RIPK4: variants seen among roughly 807,000 people sequenced by gnomAD.
The protein encoded by RIPK4 is receptor interacting serine/threonine kinase 4.
Under a neutral mutation model 42.9 loss-of-function variants are expected in RIPK4, and 17 were observed. The observed-to-expected ratio is 0.40, with a 90% CI of 0.27 to 0.59. The LOEUF is 0.59. Among genes scored for constraint, RIPK4 ranks in the 20% least tolerant of loss-of-function variants. The probability of loss-of-function intolerance (pLI) is 0.47; values close to 1 mark genes in which losing one functional copy is unlikely to be tolerated. For synonymous variants in RIPK4, 498 were observed against 499.1 expected (o/e 1.00, Z 0.03); for missense variants, 897 against 1,104.4 (o/e 0.81, Z 2.66).
chr21:41,755,416 C>T lies in RIPK4; in HGVS notation c.474+1109G>A, dbSNP rs2061200392. 1.3e-5 allele frequency among the ~76,000 whole-genome samples: 2 copies of T among 152,222 alleles called. No individual in the cohort carries two copies. Among genetic ancestry groups the T allele is most frequent in the Non-Finnish European group, 2.9e-5 (2 of 68,028 alleles). ...AAGGCACGCGAGATGCACTCGTCCG[C>T]AGAGTCTGGGCACAGGGAGCGGCCG... On this transcript the variant is annotated intron_variant, in intron 2 of 7. Coordinates refer to ENST00000332512, the MANE Select transcript of RIPK4 (RefSeq NM_020639.3). The surrounding 1 kb of genome is among the most constrained non-coding windows in gnomAD (Gnocchi z 4.2).
At chr21:41,765,162 A>C (rs1434571540) in intron 1 of RIPK4, among the ~76,000 whole-genome samples, 1 of 152,228 alleles carries the variant, frequency 6.6e-6, no homozygotes, top group Non-Finnish European at 1.5e-5. Flanking sequence ...CTTCCAATAT[A>C]AGAAAGTGGT....
At chr21:41,758,021 AATATATAT>A (rs1195745927) in intron 1 of RIPK4, among the ~76,000 whole-genome samples, 3 of 51,370 alleles carry the variant, frequency 5.8e-5, no homozygotes, top group African/African-American at 3.4e-4. Flanking sequence ...AAAAAAAAAA[AATATATAT>A]ATATATATAT....
intron 1 of RIPK4, 29 bp downstream of exon 1, chr21:41,766,831 C>T (rs752504176): frequency 6.3e-7 from 1 of 1,591,234 alleles, no homozygotes; most frequent in South Asian, 1.1e-5. Context: ...GGGCCCCAGC[C>T]GCCCCAGCGC....
chr21:41,745,697 G>T, intron 6 of RIPK4, 62 bp downstream of exon 6: 3 of 1,301,294 alleles, frequency 2.3e-6, no homozygotes, highest in Non-Finnish European at 3.3e-6. Flanking sequence ...AAGAGGAGTG[G>T]TTTGGAAACT....
rs1446223361 is a variant in RIPK4 at position 41,755,318 on chromosome 21, C to A, written c.474+1207G>T. On this transcript the variant is annotated intron_variant, in intron 2 of 7. Coordinates refer to ENST00000332512, the MANE Select transcript of RIPK4 (RefSeq NM_020639.3). This position sits in a 1 kb window ranked among gnomAD's most constrained non-coding sequence, Gnocchi z 4.2. ...GCTGAAATCTTATTACTGCGCAACA[C>A]CTACCTAAGAGACAACTTATAATTA... Among the ~76,000 whole-genome samples, 1 of 152,242 alleles carries A rather than the reference C, an allele frequency of 6.6e-6. No homozygotes were observed. Among genetic ancestry groups the A allele is most frequent in the Non-Finnish European group, 1.5e-5 (1 of 68,048 alleles).
rs375382556 is a variant in RIPK4, at chr21:41,740,881, C to A, written c.2312G>T (p.Gly771Val). The part of the protein sequence containing the change: ...INLQSLKFQG[G>V]HGPAATLLRR... ...CAGGAGCGTGGCGGCGGGGCCATGG[C>A]CGCCCTGGAACTTGAGGCTCTGCAG... Residue 771 changes from glycine (G) to valine (V), a missense_variant, in exon 8 of 8, where the codon GGC (glycine) becomes GTC (valine). Gly to Val is a moderately radical substitution (Grantham distance 109, BLOSUM62 -3). Coordinates refer to ENST00000332512, the MANE Select transcript of RIPK4 (RefSeq NM_020639.3). 12 of 1,611,110 alleles carry A rather than the reference C, an allele frequency of 7.4e-6. 1 individual carries two copies. The highest frequency in any genetic ancestry group is 1.1e-5 in the South Asian group (1 of 90,954).
Position 41,741,637 on chromosome 21 carries a change from C to A in RIPK4, c.1556G>T (p.Ser519Ile). Residue 519 changes from serine (S) to isoleucine (I), a missense_variant, in exon 8 of 8, where the codon AGC (serine) becomes ATC (isoleucine). Ser to Ile is a moderately radical substitution (Grantham distance 142). Transcript: ENST00000332512. ...GTTCTTCTCCAACAGCAGCCGTGTG[C>A]TAGACTCGTCCCCGTTCTGGGCTGC... ...HFAAQNGDES[S>I]TRLLLEKNAS... 1 of 1,613,512 alleles carries A rather than the reference C, an allele frequency of 6.2e-7. No individual in the cohort carries two copies. Among genetic ancestry groups the A allele is most frequent in the Non-Finnish European group, 8.5e-7 (1 of 1,180,018 alleles).
rs1197612068 is a variant in RIPK4 at position 41,749,172 on chromosome 21, G to T, written c.655C>A (p.Gln219Lys). The change falls in exon 4 of 8, where the codon CAG becomes AAG. Residue 219 changes from glutamine (Q) to lysine (K), a missense_variant. By Grantham distance (53) the Gln-to-Lys change is moderately conservative. Coordinates refer to ENST00000332512, the MANE Select transcript of RIPK4 (RefSeq NM_020639.3). The stretch of plus-strand genomic sequence containing the variant: ...CACTCACCTGCAAACGGCTTCTTCT[G>T]TGTGAGCACGCCCCAGATGACGATC... The part of the protein sequence containing the change: ...FAIVIWGVLT[Q>K]KKPFADEKNI... 1 of 1,613,852 alleles carries T rather than the reference G, an allele frequency of 6.2e-7. No individual in the cohort carries two copies. Among genetic ancestry groups the T allele is most frequent in the Admixed American group, 1.7e-5 (1 of 60,016 alleles).
intron 1 of RIPK4, among the ~76,000 whole-genome samples, chr21:41,757,773 G>C (rs1029666471): frequency 6.6e-6 from 1 of 151,262 alleles, no homozygotes; most frequent in African/African-American, 2.4e-5. Flanking sequence ...GGCCGAAACA[G>C]GCAGATCACA....
Position 41,743,959 on chromosome 21 carries a change from C to T in RIPK4, c.1118G>A (p.Gly373Glu). Residue 373 changes from glycine to glutamate, a missense_variant, in exon 7 of 8, where the codon GGG (glycine) becomes GAG (glutamate). Coordinates refer to ENST00000332512, the MANE Select transcript of RIPK4 (RefSeq NM_020639.3). ...PSSGSGKRLS[G>E]VSSVDSAFSS... Reference sequence around the variant, plus strand: ...GAAGGCGGAGTCCACCGAGGACACCCCCGAGAGCCTCTTCCCACTGCCGGA... The same window carrying T: ...GAAGGCGGAGTCCACCGAGGACACCTCCGAGAGCCTCTTCCCACTGCCGGA... The T allele has an allele frequency of 6.2e-7, 1 of 1,613,434 alleles. No individual in the cohort carries two copies. Among genetic ancestry groups the T allele is most frequent in the South Asian group, 1.1e-5 (1 of 91,070 alleles).
In RIPK4 at chr21:41,740,878, T is replaced by G. The variant is rs2061150530; in HGVS notation, c.2315A>C (p.His772Pro). 1 of 1,611,164 alleles carries G rather than the reference T, an allele frequency of 6.2e-7. No individual in the cohort carries two copies. The highest frequency in any genetic ancestry group is 1.7e-5 in the Admixed American group (1 of 59,922). Residue 772 changes from histidine to proline, a missense_variant, in exon 8 of 8, where the codon CAT becomes CCT. Transcript: ENST00000332512. ...NLQSLKFQGG[H>P]GPAATLLRRS... is the part of the protein sequence containing the mutation. ...CCGCAGGAGCGTGGCGGCGGGGCCA[T>G]GGCCGCCCTGGAACTTGAGGCTCTG...
At chr21:41,762,587 G>C (rs769659162) in intron 1 of RIPK4, among the ~76,000 whole-genome samples, 1 of 152,234 alleles carries the variant, frequency 6.6e-6, no homozygotes, top group Non-Finnish European at 1.5e-5. Context: ...GCAACAAGCT[G>C]CAAGAAGAGG....
rs373821235 is a variant in RIPK4 at position 41,741,588 on chromosome 21, A to G, written c.1605T>C (p.Phe535=). 2 of 1,611,918 alleles carry G rather than the reference A, an allele frequency of 1.2e-6. No individual in the cohort carries two copies. Among genetic ancestry groups the G allele is most frequent in the African/African-American group, 1.3e-5 (1 of 74,942 alleles). The change falls in exon 8 of 8, where the codon TTT becomes TTC. Residue 535 remains phenylalanine (F), a synonymous_variant. Coordinates refer to ENST00000332512, the MANE Select transcript of RIPK4 (RefSeq NM_020639.3). ...CCACGTGCATGGGCGTCCGGCCCTC[A>G]AAGTCCACCTCGTTGACCGAGGCGT... The part of the protein sequence containing the change: ...EKNASVNEVD[F]EGRTPMHVAC...
chr21:41,747,211 G>C (rs998609671), intron 4 of RIPK4, among the ~76,000 whole-genome samples: 6 of 152,122 alleles, frequency 3.9e-5, no homozygotes, highest in Admixed American at 2.0e-4. Flanking sequence ...CTCTACAATG[G>C]CGAAGAAGTC....
intron 1 of RIPK4, among the ~76,000 whole-genome samples, chr21:41,761,422 G>C (rs1453632698): frequency 6.6e-6 from 1 of 152,258 alleles, no homozygotes; most frequent in African/African-American, 2.4e-5. Flanking sequence ...AAGAATCAGA[G>C]TTATGATTTG....
chr21:41,765,453 G>A (rs1057236939), intron 1 of RIPK4, among the ~76,000 whole-genome samples: 2 of 152,212 alleles, frequency 1.3e-5, no homozygotes, highest in Non-Finnish European at 2.9e-5. Context: ...AGAAACACTG[G>A]ATTTGAGGGT....
intron 1 of RIPK4, among the ~76,000 whole-genome samples, chr21:41,757,542 G>GT (rs2061207545): frequency 6.7e-6 from 1 of 148,568 alleles, no homozygotes; most frequent in African/African-American, 2.5e-5. Context: ...AAAAAAAGTT[G>GT]TAACTAGTTA....
rs553499726 is a variant in RIPK4 at position 41,754,450 on chromosome 21, C to T, written c.474+2075G>A. 3.3e-5 allele frequency among the ~76,000 whole-genome samples: 5 copies of T among 152,314 alleles called. No homozygotes were observed. The South Asian group carries it at 1.0e-3, about 32-fold the overall frequency. On this transcript the variant is annotated intron_variant, in intron 2 of 7. Transcript: ENST00000332512. Reference sequence around the variant, plus strand: ...GGGTACACAGGGCCCTAAGATGTCCCAGGGGCACCACACAGAGATGTCCTG... The same window carrying T: ...GGGTACACAGGGCCCTAAGATGTCCTAGGGGCACCACACAGAGATGTCCTG...
In RIPK4 at chr21:41,740,610, C is replaced by T; in HGVS notation, c.*228G>A. On this transcript the variant is annotated 3_prime_UTR_variant, in exon 8 of 8. Transcript: ENST00000332512. ...TCTGACCCACGGTCCCTTCAGACAG[C>T]AGGTGCCTAGATCGATGATGGAGCG... 1 of 555,084 alleles carries T rather than the reference C, an allele frequency of 1.8e-6. No individual in the cohort carries two copies. Among genetic ancestry groups the T allele is most frequent in the South Asian group, 2.5e-5 (1 of 39,956 alleles). 34.4% of individuals were successfully genotyped at this position (555,084 alleles called of 1,614,324 possible).
Sources: allele counts gnomAD v4.1 joint callset (sites outside exome capture counted in the v4.1 genomes callset), GRCh38; gene constraint gnomAD v4.1.1; non-coding constraint Gnocchi (gnomAD v3.1); transcripts MANE v1.5; gene names NCBI Gene and HGNC (gene_info 2026-07-23, HGNC 2026-07-21).